DLGAP2: variants seen among roughly 807,000 people sequenced by gnomAD.
DLGAP2 encodes DLG associated protein 2, also known as disks large-associated protein 2.
A neutral mutation model predicts 100.3 loss-of-function variants in DLGAP2; 26 were observed. The observed-to-expected ratio is 0.26, with a 90% confidence interval of 0.19 to 0.36. The LOEUF (loss-of-function observed/expected upper bound fraction) is 0.36, where lower values mean the gene tolerates loss of function less well. DLGAP2 is among the 10% of genes least tolerant of loss of function. DLGAP2 has a pLI of 1.00. For synonymous variants in DLGAP2, 886 were observed against 630.1 expected (o/e 1.41, Z -6.08); for missense variants, 1,858 against 1,453.2 (o/e 1.28, Z -4.53).
At chr8:1,600,743 C>G (rs763113599) in intron 6 of DLGAP2, among the ~76,000 whole-genome samples, 10 of 152,200 alleles carry the variant, frequency 6.6e-5, no homozygotes, top group Middle Eastern at 3.2e-3. Flanking sequence ...ATGTTCTTCT[C>G]TAAACTGGTT....
chr8:937,797 C>T (rs535411227), intron 2 of DLGAP2, among the ~76,000 whole-genome samples: 2 of 152,260 alleles, frequency 1.3e-5, no homozygotes, highest in East Asian at 1.9e-4. Context: ...CCTGTCTAGG[C>T]CTCATTTTTC....
chr8:1,436,986 C>T (rs1203518504), intron 3 of DLGAP2, among the ~76,000 whole-genome samples: 3 of 152,250 alleles, frequency 2.0e-5, no homozygotes, highest in Admixed American at 6.5e-5. Flanking sequence ...AGGCCTATGC[C>T]GTTCGGCCCA....
At chr8:865,178 C>T (rs1413834625) in intron 1 of DLGAP2, among the ~76,000 whole-genome samples, 1 of 152,222 alleles carries the variant, frequency 6.6e-6, no homozygotes, top group Non-Finnish European at 1.5e-5. Flanking sequence ...GACGGGTGCC[C>T]TCGCTGGACA....
intron 1 of DLGAP2, among the ~76,000 whole-genome samples, chr8:857,618 C>G (rs1028870677): frequency 6.6e-6 from 1 of 152,092 alleles, no homozygotes; most frequent in Admixed American, 6.5e-5. Context: ...AATAAAACAG[C>G]AAGGAGACAG....
intron 3 of DLGAP2, among the ~76,000 whole-genome samples, chr8:1,417,418 A>C (rs1796929942): frequency 6.6e-6 from 1 of 152,172 alleles, no homozygotes. Flanking sequence ...TGATTGTTGA[A>C]GCAAACCTTG....
chr8:748,407 C>T (rs957105474), intron 1 of DLGAP2, among the ~76,000 whole-genome samples: 3 of 152,086 alleles, frequency 2.0e-5, no homozygotes, highest in Non-Finnish European at 4.4e-5. Flanking sequence ...CCGCATGCTC[C>T]ACGTAGCCAC....
At chr8:1,082,065 A>C (rs1292175242) in intron 2 of DLGAP2, among the ~76,000 whole-genome samples, 1 of 152,198 alleles carries the variant, frequency 6.6e-6, no homozygotes, top group East Asian at 1.9e-4. Flanking sequence ...TGCACCTGGC[A>C]GTGGCGAGTC....
At position 1,354,500 on chromosome 8, in the gene DLGAP2, G is replaced by A. The variant is rs954577907; in HGVS notation, c.106+95617G>A. ...TGCACTCCAGCCTGAGCAACAGAGCGAGACACTGTCTCAGAAAAAAAGAAA... is the reference window on the plus strand; with the variant it reads ...TGCACTCCAGCCTGAGCAACAGAGCAAGACACTGTCTCAGAAAAAAAGAAA... On this transcript the variant is annotated intron_variant, in intron 3 of 14. Coordinates refer to ENST00000637795, the MANE Select transcript of DLGAP2 (RefSeq NM_001346810.2). Among the ~76,000 whole-genome samples the A allele has an allele frequency of 4.6e-5, 7 of 152,286 alleles. No homozygotes were observed. In the East Asian group the frequency reaches 7.7e-4, roughly 17 times the overall value.
chr8:1,292,961 G>T (rs7463743), intron 3 of DLGAP2, among the ~76,000 whole-genome samples: 18,901 of 152,142 alleles, frequency 0.12, 1,516 homozygotes, highest in East Asian at 0.24. Flanking sequence ...GGGCGTGTCC[G>T]TCTCCCCCAG....
At chr8:1,098,165 C>T (rs1804451233) in intron 2 of DLGAP2, among the ~76,000 whole-genome samples, 1 of 152,270 alleles carries the variant, frequency 6.6e-6, no homozygotes, top group Admixed American at 6.5e-5. Flanking sequence ...GCCGGGCATC[C>T]CGGCCTTGGA....
chr8:1,314,948 A>T (rs1800696115), intron 3 of DLGAP2, among the ~76,000 whole-genome samples: 1 of 152,234 alleles, frequency 6.6e-6, no homozygotes, highest in South Asian at 2.1e-4. Context: ...AAGGCGCAAG[A>T]TGCCCTCTGA....
intron 2 of DLGAP2, among the ~76,000 whole-genome samples, chr8:959,045 A>G (rs539744431): frequency 3.9e-5 from 6 of 152,348 alleles, no homozygotes; most frequent in Admixed American, 3.3e-4. Context: ...GCATGCTATG[A>G]TAATATCCAC....
intron 2 of DLGAP2, among the ~76,000 whole-genome samples, chr8:973,251 G>A (rs1047085762): frequency 1.4e-5 from 2 of 143,196 alleles, no homozygotes; most frequent in African/African-American, 5.2e-5. Context: ...GGCGGAGGCT[G>A]TCCCCCCACC....
At chr8:1,342,971 C>T (rs762600273) in intron 3 of DLGAP2, among the ~76,000 whole-genome samples, 16 of 152,296 alleles carry the variant, frequency 1.1e-4, no homozygotes, top group African/African-American at 3.4e-4. Context: ...GGCACATGGT[C>T]GTGCATGGGT....
intron 3 of DLGAP2, among the ~76,000 whole-genome samples, chr8:1,353,575 C>G (rs188953605): frequency 6.6e-6 from 1 of 152,102 alleles, no homozygotes; most frequent in African/African-American, 2.4e-5. Context: ...TTTTGACTTA[C>G]AATGCTTTCC....
intron 1 of DLGAP2, among the ~76,000 whole-genome samples, chr8:897,244 G>A (rs905975442): frequency 1.3e-5 from 2 of 152,112 alleles, no homozygotes; most frequent in Non-Finnish European, 2.9e-5. Flanking sequence ...AGCAACCCTG[G>A]TCCTGCCAGG....
At chr8:990,004 C>T (rs1245247408) in intron 2 of DLGAP2, among the ~76,000 whole-genome samples, 1 of 152,104 alleles carries the variant, frequency 6.6e-6, no homozygotes, top group Non-Finnish European at 1.5e-5. Context: ...TCTCTTGCCG[C>T]TCCCAGCCAA....
At chr8:1,388,158 G>C (rs1214071613) in intron 3 of DLGAP2, among the ~76,000 whole-genome samples, 1 of 89,984 alleles carries the variant, frequency 1.1e-5, no homozygotes, top group African/African-American at 3.6e-5. Context: ...GAGGCAGTGG[G>C]TGGGGAGGCA....
chr8:854,822 C>T (rs1014332734), intron 1 of DLGAP2, among the ~76,000 whole-genome samples: 1 of 152,176 alleles, frequency 6.6e-6, no homozygotes, highest in Non-Finnish European at 1.5e-5. Flanking sequence ...GATGAGGTCC[C>T]TGAGATGCGA....
Sources: allele counts gnomAD v4.1 joint callset (sites outside exome capture counted in the v4.1 genomes callset), GRCh38; gene constraint gnomAD v4.1.1; transcripts MANE v1.5; gene names NCBI Gene and HGNC (gene_info 2026-07-23, HGNC 2026-07-21).